The following CDH12 variants were observed in gnomAD, a reference collection of about 807,000 sequenced individuals.
CDH12 encodes the protein cadherin 12, also known as cadherin-12.
Under a neutral mutation model 74.1 loss-of-function variants are expected in CDH12, and 41 were observed. That is an observed-to-expected ratio of 0.55 (90% CI 0.43 to 0.72). CDH12 has a LOEUF of 0.72. CDH12 is among the 30% of genes least tolerant of loss of function. CDH12 has a pLI of 0.00. For synonymous variants in CDH12, 399 were observed against 355.0 expected, an observed-to-expected ratio of 1.12 and a Z score of -1.39; for missense variants, 945 against 977.2, an observed-to-expected ratio of 0.97 and a Z score of 0.44.
chr5:22,273,141 T>C (rs560449017), intron 3 of CDH12, among the ~76,000 whole-genome samples: 22 of 152,278 alleles, frequency 1.4e-4, no homozygotes, highest in African/African-American at 3.8e-4. Flanking sequence ...GAGATTTGGG[T>C]GGGGACACAG....
At chr5:22,102,699 A>G (rs928339538) in intron 4 of CDH12, among the ~76,000 whole-genome samples, 1 of 151,644 alleles carries the variant, frequency 6.6e-6, no homozygotes, top group South Asian at 2.1e-4. Context: ...TAAATACATA[A>G]ATAAATAATA....
chr5:22,611,538 G>C (rs1031075844), intron 1 of CDH12, among the ~76,000 whole-genome samples: 1 of 152,104 alleles, frequency 6.6e-6, no homozygotes, highest in Non-Finnish European at 1.5e-5. Flanking sequence ...GAACAATGCA[G>C]TACCCCTGGG....
intron 1 of CDH12, among the ~76,000 whole-genome samples, chr5:22,824,818 G>A (rs1016355623): frequency 1.5e-4 from 22 of 151,658 alleles, no homozygotes; most frequent in African/African-American, 5.1e-4. Context: ...AACAACAATA[G>A]CATTAGTTTA....
chr5:21,934,359 T>C (rs901814964), intron 6 of CDH12, among the ~76,000 whole-genome samples: 2 of 152,196 alleles, frequency 1.3e-5, no homozygotes, highest in Admixed American at 6.5e-5. Flanking sequence ...CATGAGCATA[T>C]GTATGTTATT....
chr5:22,349,037 A>G (rs1740243979), intron 3 of CDH12, among the ~76,000 whole-genome samples: 1 of 152,156 alleles, frequency 6.6e-6, no homozygotes. Flanking sequence ...GTCCTCATGA[A>G]TGGGATGAGT....
chr5:21,932,435 T>A (rs61334592), intron 6 of CDH12, among the ~76,000 whole-genome samples: 4 of 152,144 alleles, frequency 2.6e-5, no homozygotes, highest in Non-Finnish European at 5.9e-5. Context: ...CAATAAAAAA[T>A]TAATCACTAC....
At chr5:22,396,910 G>C (rs564602365) in intron 3 of CDH12, among the ~76,000 whole-genome samples, 2 of 152,074 alleles carry the variant, frequency 1.3e-5, no homozygotes, top group South Asian at 4.1e-4. Context: ...TTCTTCTTCA[G>C]ATCCTGTTTC....
intron 3 of CDH12, among the ~76,000 whole-genome samples, chr5:22,388,350 A>T (rs1742090930): frequency 6.6e-6 from 1 of 152,016 alleles, no homozygotes; most frequent in South Asian, 2.1e-4. Flanking sequence ...ATAATATATT[A>T]AAGAAAAGAG....
At chr5:22,174,221 A>G (rs1174393749) in intron 4 of CDH12, among the ~76,000 whole-genome samples, 2 of 151,986 alleles carry the variant, frequency 1.3e-5, no homozygotes, top group Non-Finnish European at 2.9e-5. Context: ...TGTTGTCTTC[A>G]TTACACTAAA....
At chr5:22,348,410 C>T (rs529979118) in intron 3 of CDH12, among the ~76,000 whole-genome samples, 1 of 152,290 alleles carries the variant, frequency 6.6e-6, no homozygotes, top group South Asian at 2.1e-4. Context: ...AAATGCAATG[C>T]TAATTTGATT....
intron 2 of CDH12, among the ~76,000 whole-genome samples, chr5:22,462,081 C>A (rs1177356930): frequency 2.0e-5 from 3 of 152,020 alleles, no homozygotes; most frequent in African/African-American, 7.3e-5. Flanking sequence ...ATTTATGAAT[C>A]TTAGAGGTCT....
chr5:22,708,794 G>GAACT (rs1743150799), intron 1 of CDH12, among the ~76,000 whole-genome samples: 1 of 152,096 alleles, frequency 6.6e-6, no homozygotes. Context: ...GATAAATGTA[G>GAACT]AACTAGTTTT....
chr5:21,909,799 A>G (rs1248134170), intron 6 of CDH12, among the ~76,000 whole-genome samples: 2 of 152,290 alleles, frequency 1.3e-5, no homozygotes, highest in Admixed American at 6.5e-5. Context: ...ATTTAACTAT[A>G]TGAAAAAAAG....
intron 3 of CDH12, among the ~76,000 whole-genome samples, chr5:22,350,120 T>C (rs921232390): frequency 2.0e-5 from 3 of 152,200 alleles, no homozygotes; most frequent in Admixed American, 2.0e-4. Context: ...ATTAATAATT[T>C]TAGTAACGAC....
intron 6 of CDH12, chr5:21,883,056 A>T: frequency 6.2e-7 from 1 of 1,610,312 alleles, no homozygotes. Flanking sequence ...TGCTGAACTT[A>T]AAAAGCAGTC....
intron 5 of CDH12, among the ~76,000 whole-genome samples, chr5:21,999,492 G>A (rs968268871): frequency 6.6e-6 from 1 of 152,142 alleles, no homozygotes; most frequent in Admixed American, 6.6e-5. Flanking sequence ...AATATGATTT[G>A]ATCTGAGAAG....
At chr5:22,713,702 T>C (rs1743417698) in intron 1 of CDH12, among the ~76,000 whole-genome samples, 2 of 152,118 alleles carry the variant, frequency 1.3e-5, no homozygotes, top group African/African-American at 4.8e-5. Flanking sequence ...TGGTTGTAGA[T>C]GGGAGGGTGT....
chr5:22,117,447 TA>T (rs574683487), intron 4 of CDH12, among the ~76,000 whole-genome samples: 18 of 92,524 alleles, frequency 1.9e-4, no homozygotes, highest in African/African-American at 7.0e-4. Context: ...TATATATATA[TA>T]ATATATATAT....
intron 3 of CDH12, among the ~76,000 whole-genome samples, chr5:22,239,304 A>T (rs568814377): frequency 1.3e-5 from 2 of 152,150 alleles, no homozygotes; most frequent in East Asian, 3.9e-4. Flanking sequence ...TCAAGAACCA[A>T]TGGTTCTCCA....
Sources: gnomAD v4.1 joint callset for allele counts (sites outside exome capture counted in the v4.1 genomes callset) on GRCh38, gnomAD v4.1.1 for gene constraint, MANE v1.5 for transcripts, NCBI Gene and HGNC (gene_info 2026-07-23, HGNC 2026-07-21) for gene names.